The following ST18 variants were observed in gnomAD, a reference collection of about 807,000 sequenced individuals.
ST18 encodes ST18 C2H2C-type zinc finger transcription factor.
Under a neutral mutation model 110.0 loss-of-function variants are expected in ST18, and 50 were observed. The observed-to-expected ratio is 0.45, with a 90% CI of 0.36 to 0.58. The LOEUF is 0.58. Among genes scored for constraint, ST18 ranks in the 20% least tolerant of loss-of-function variants. The pLI is 0.00. For missense variants in ST18, 1,306 were observed against 1,280.1 expected, an observed-to-expected ratio of 1.02 and a Z score of -0.31; for synonymous variants, 461 against 452.4, an observed-to-expected ratio of 1.02 and a Z score of -0.24.
intron 2 of ST18, among the ~76,000 whole-genome samples, chr8:52,365,066 A>G (rs1293968876): frequency 2.0e-5 from 3 of 151,742 alleles, no homozygotes; most frequent in African/African-American, 7.3e-5. Context: ...GTGAGCTGAG[A>G]TTGCGCCACT....
chr8:52,162,996 T>C (rs569535074), intron 13 of ST18, among the ~76,000 whole-genome samples: 1 of 152,178 alleles, frequency 6.6e-6, no homozygotes, highest in Non-Finnish European at 1.5e-5. Context: ...TGCATATATA[T>C]TCTAATCTAA....
Position 52,159,016 on chromosome 8 carries a change from T to C in ST18, c.1688A>G (p.Tyr563Cys), listed in dbSNP as rs2060726876. ...QSPGRASSYS[Y>C]GQCSEDTHIA... ...GTGGGTGTCTTCACTACATTGACCG[T>C]AGCTATAAGAGCTGGCACGGCCAGG... The change falls in exon 15 of 26, where the codon TAC (tyrosine) becomes TGC (cysteine). Residue 563 changes from tyrosine (Y) to cysteine (C), a missense_variant. Physicochemically the swap from Tyr to Cys is radical, Grantham distance 194 (BLOSUM62 -2). Transcript: ENST00000689386. 1.2e-6 allele frequency: 2 copies of C among 1,614,012 alleles called. No individual in the cohort carries two copies. The highest frequency in any genetic ancestry group is 1.3e-5 in the African/African-American group (1 of 74,922).
At chr8:52,155,075 G>A (rs978208809) in intron 15 of ST18, among the ~76,000 whole-genome samples, 10 of 151,572 alleles carry the variant, frequency 6.6e-5, no homozygotes, top group African/African-American at 2.4e-4. Flanking sequence ...GCTGGCGCAC[G>A]CCGGTAGTCC....
At chr8:52,206,269 G>T (rs901891682) in intron 8 of ST18, 1 of 152,196 alleles carries the variant, frequency 6.6e-6, no homozygotes, top group East Asian at 1.9e-4. Flanking sequence ...CACTCAGTGC[G>T]CACCTGTTGA....
intron 8 of ST18, among the ~76,000 whole-genome samples, chr8:52,189,626 T>C (rs1475731941): frequency 6.6e-6 from 1 of 152,174 alleles, no homozygotes; most frequent in Non-Finnish European, 1.5e-5. Context: ...CCCTAGTCTC[T>C]TTTCTTAAGG....
intron 21 of ST18, 79 bp downstream of exon 21, chr8:52,132,978 C>T: frequency 3.4e-6 from 5 of 1,481,980 alleles, no homozygotes; most frequent in Non-Finnish European, 3.8e-6. Context: ...AATCCGTGTT[C>T]AATTGCATCC....
intron 25 of ST18, 97 bp from the exon 26 acceptor site, chr8:52,113,435 G>A: frequency 6.8e-7 from 1 of 1,467,242 alleles, no homozygotes; most frequent in Non-Finnish European, 9.3e-7. Context: ...CCGGGAGTCG[G>A]GAGGGAAGGC....
chr8:52,299,339 G>C (rs1287646086), intron 2 of ST18, among the ~76,000 whole-genome samples: 1 of 151,872 alleles, frequency 6.6e-6, no homozygotes, highest in Non-Finnish European at 1.5e-5. Context: ...CTTTAATTTT[G>C]TCTAGTTTGT....
At chr8:52,194,128 A>G (rs1173905914) in intron 8 of ST18, among the ~76,000 whole-genome samples, 1 of 152,202 alleles carries the variant, frequency 6.6e-6, no homozygotes, top group Non-Finnish European at 1.5e-5. Flanking sequence ...AATTAATTGC[A>G]TATCGTCTAC....
intron 2 of ST18, among the ~76,000 whole-genome samples, chr8:52,380,261 A>T (rs540787385): frequency 6.6e-6 from 1 of 152,292 alleles, no homozygotes; most frequent in Non-Finnish European, 1.5e-5. Context: ...TACAATACAG[A>T]ACTATAAATG....
intron 2 of ST18, among the ~76,000 whole-genome samples, chr8:52,327,317 G>C (rs73580779): frequency 2.1e-3 from 325 of 152,244 alleles, no homozygotes; most frequent in African/African-American, 7.6e-3. Flanking sequence ...TTATTTATTG[G>C]ATGGATTCAT....
chr8:52,390,623 T>C lies in ST18; in HGVS notation c.-465+18705A>G, dbSNP rs1306152343. Among the ~76,000 whole-genome samples the C allele has an allele frequency of 3.3e-5, 5 of 152,302 alleles. No homozygotes were observed. In the South Asian group the frequency reaches 6.2e-4, roughly 19 times the overall value. On this transcript the variant is annotated intron_variant, in intron 2 of 25. Transcript: ENST00000689386. The stretch of plus-strand genomic sequence containing the variant: ...CACTGTATTTTGAGGGACGGTGACC[T>C]GGCAAGAAAGAGAAATGATGGGCAA...
intron 2 of ST18, among the ~76,000 whole-genome samples, chr8:52,279,109 CT>C (rs2095327955): frequency 6.6e-6 from 1 of 152,130 alleles, no homozygotes; most frequent in Admixed American, 6.5e-5. Flanking sequence ...CCCATAAAGA[CT>C]GAAAATTGTG....
chr8:52,191,252 A>G (rs2074361714), intron 8 of ST18, among the ~76,000 whole-genome samples: 1 of 152,228 alleles, frequency 6.6e-6, no homozygotes, highest in Non-Finnish European at 1.5e-5. Context: ...ATGCAGACCC[A>G]CAGGGGACTG....
chr8:52,185,368 A>G (rs1587987391), intron 8 of ST18, among the ~76,000 whole-genome samples: 1 of 152,164 alleles, frequency 6.6e-6, no homozygotes, highest in Non-Finnish European at 1.5e-5. Context: ...ATTAGATTCA[A>G]TGCAATTCCT....
intron 8 of ST18, among the ~76,000 whole-genome samples, chr8:52,208,562 C>T (rs541223165): frequency 3.9e-5 from 6 of 152,372 alleles, no homozygotes; most frequent in Admixed American, 3.9e-4. Context: ...CGCGGTGGCT[C>T]ACGCCTGTAA....
intron 2 of ST18, among the ~76,000 whole-genome samples, chr8:52,276,733 G>T (rs1038832373): frequency 1.3e-5 from 2 of 150,822 alleles, no homozygotes; most frequent in Non-Finnish European, 3.0e-5. Context: ...GGAAAGTAAA[G>T]AATTATCTAC....
At chr8:52,175,183 G>A (rs2066427620) in intron 9 of ST18, among the ~76,000 whole-genome samples, 1 of 152,156 alleles carries the variant, frequency 6.6e-6, no homozygotes, top group Non-Finnish European at 1.5e-5. Flanking sequence ...CCCTGTGGAG[G>A]CCACACGGGA....
chr8:52,143,834 A>G (rs527973596), intron 16 of ST18, among the ~76,000 whole-genome samples: 1 of 152,358 alleles, frequency 6.6e-6, no homozygotes, highest in South Asian at 2.1e-4. Flanking sequence ...TGCCCTTTCT[A>G]ATGTACAGGT....
Sources: gnomAD v4.1 joint callset for allele counts (sites outside exome capture counted in the v4.1 genomes callset) on GRCh38, gnomAD v4.1.1 for gene constraint, MANE v1.5 for transcripts, NCBI Gene and HGNC (gene_info 2026-07-23, HGNC 2026-07-21) for gene names.